SPINK5: variants seen among roughly 807,000 people sequenced by gnomAD.
The protein encoded by SPINK5 is serine protease inhibitor Kazal-type 5.
SPINK5 carries 125 observed loss-of-function variants against 151.8 expected under a neutral mutation model. The observed-to-expected ratio is 0.82, with a 90% CI of 0.71 to 0.96. The LOEUF is 0.96. Among genes scored for constraint, SPINK5 ranks in the 40% least tolerant of loss-of-function variants. SPINK5 has a pLI of 0.00. For synonymous variants in SPINK5, 374 were observed against 395.3 expected, an observed-to-expected ratio of 0.95 and a Z score of 0.64; for missense variants, 1,194 against 1,291.9, an observed-to-expected ratio of 0.92 and a Z score of 1.16.
At chr5:148,121,661 TAAA>T (rs1754268854) in intron 26 of SPINK5, among the ~76,000 whole-genome samples, 1 of 148,676 alleles carries the variant, frequency 6.7e-6, no homozygotes, top group Admixed American at 6.6e-5. Flanking sequence ...AAAAAAAAAA[TAAA>T]GAAAATATGG....
intron 27 of SPINK5, among the ~76,000 whole-genome samples, chr5:148,124,209 C>CCAGT (rs1754369951): frequency 6.6e-6 from 1 of 152,160 alleles, no homozygotes; most frequent in Non-Finnish European, 1.5e-5. Context: ...CTGGGACAGG[C>CCAGT]CAGTTCATTG....
At chr5:148,102,014 A>T in intron 15 of SPINK5, 106 bp downstream of exon 15, 1 of 1,527,646 alleles carries the variant, frequency 6.5e-7, no homozygotes, top group Non-Finnish European at 9.0e-7. Flanking sequence ...TCAGTGTAGC[A>T]TTCAGTCTTG....
intron 7 of SPINK5, among the ~76,000 whole-genome samples, chr5:148,089,983 G>A (rs923608723): frequency 1.3e-5 from 2 of 151,712 alleles, no homozygotes; most frequent in Admixed American, 6.6e-5. Flanking sequence ...CTTCATTTGG[G>A]CATATGTAGA....
intron 7 of SPINK5, 144 bp downstream of exon 7, chr5:148,089,765 G>A: frequency 3.2e-6 from 4 of 1,236,476 alleles, no homozygotes; most frequent in Non-Finnish European, 2.3e-6. Flanking sequence ...CTCACAGAAA[G>A]GCTTCTTTTC....
chr5:148,114,031 C>A (rs1561697205), intron 20 of SPINK5, among the ~76,000 whole-genome samples: 1 of 152,146 alleles, frequency 6.6e-6, no homozygotes, highest in East Asian at 1.9e-4. Flanking sequence ...GTAATTAACT[C>A]TTTGAACTTC....
chr5:148,119,411 A>T (rs1318338649), intron 24 of SPINK5, among the ~76,000 whole-genome samples: 1 of 152,234 alleles, frequency 6.6e-6, no homozygotes, highest in Non-Finnish European at 1.5e-5. Flanking sequence ...TTTTGCTGCT[A>T]GTGTAAGTTA....
chr5:148,080,819 T>C (rs1336194723), intron 4 of SPINK5, among the ~76,000 whole-genome samples: 2 of 151,504 alleles, frequency 1.3e-5, no homozygotes, highest in Non-Finnish European at 3.0e-5. Flanking sequence ...TGCAAATTTG[T>C]GTGCTTCAAA....
chr5:148,069,857 C>CT (rs1162898471), intron 2 of SPINK5, among the ~76,000 whole-genome samples: 1 of 151,906 alleles, frequency 6.6e-6, no homozygotes, highest in East Asian at 1.9e-4. Flanking sequence ...CCAAGAAATC[C>CT]TTTTTTCATT....
intron 29 of SPINK5, 46 bp downstream of exon 29, chr5:148,125,896 C>A (rs762653660): frequency 6.2e-7 from 1 of 1,613,548 alleles, no homozygotes; most frequent in Non-Finnish European, 8.5e-7. Context: ...AGGGGAACTG[C>A]ATTTTTAGAA....
intron 4 of SPINK5, among the ~76,000 whole-genome samples, chr5:148,080,709 GA>G (rs559829895): frequency 5.9e-4 from 89 of 151,388 alleles, no homozygotes; most frequent in African/African-American, 1.8e-3. Flanking sequence ...AATATAGGAG[GA>G]AAAAAATTCA....
chr5:148,107,058 G>A lies in SPINK5; in HGVS notation c.1501G>A (p.Asp501Asn), dbSNP rs1387700610. ...AAKEICSEFR[D>N]QVRNGTLICT... ...CCAGGAAATCTGCAGTGAATTTCGG[G>A]ACCAAGTGAGGAATGGAACACTTAT... is the stretch of plus-strand genomic sequence containing the variant. Residue 501 changes from aspartate (D) to asparagine (N), a missense_variant, in exon 17 of 33, where the codon GAC becomes AAC. Asp to Asn is a conservative substitution (Grantham distance 23, BLOSUM62 1). Coordinates refer to ENST00000256084, the MANE Select transcript of SPINK5 (RefSeq NM_006846.4). 3 of 1,612,846 alleles carry A rather than the reference G, an allele frequency of 1.9e-6. No homozygotes were observed. Among genetic ancestry groups the A allele is most frequent in the East Asian group, 2.2e-5 (1 of 44,814 alleles).
chr5:148,120,242 T>C (rs1168244943), intron 25 of SPINK5, 53 bp from the exon 26 acceptor site: 1 of 1,607,634 alleles, frequency 6.2e-7, no homozygotes, highest in Non-Finnish European at 8.5e-7. Context: ...GATCTGGTAA[T>C]TAATGAGGCG....
chr5:148,109,885 G>A (rs1247303146), intron 18 of SPINK5, among the ~76,000 whole-genome samples: 1 of 152,138 alleles, frequency 6.6e-6, no homozygotes, highest in Non-Finnish European at 1.5e-5. Context: ...GCCATACATG[G>A]TCTGATCCCT....
chr5:148,077,413 C>T (rs895480412), intron 4 of SPINK5, among the ~76,000 whole-genome samples: 3 of 150,962 alleles, frequency 2.0e-5, no homozygotes, highest in Non-Finnish European at 3.0e-5. Flanking sequence ...AAAGATATTA[C>T]TGTACTAAAG....
At chr5:148,125,466 G>A (rs935094615) in intron 28 of SPINK5, 5 of 1,491,806 alleles carry the variant, frequency 3.4e-6, no homozygotes, top group African/African-American at 1.4e-5. Flanking sequence ...TGGATGAACG[G>A]GAGAAAAAAA....
chr5:148,115,830 T>C (rs1754071737), intron 21 of SPINK5, among the ~76,000 whole-genome samples: 2 of 151,694 alleles, frequency 1.3e-5, no homozygotes, highest in Non-Finnish European at 2.9e-5. Flanking sequence ...TGTCTTTTTT[T>C]TTTTTTTTTC....
At chr5:148,107,641 A>C (rs1436551707) in intron 17 of SPINK5, among the ~76,000 whole-genome samples, 2 of 152,244 alleles carry the variant, frequency 1.3e-5, no homozygotes, top group African/African-American at 4.8e-5. Context: ...TTTCAAGGAC[A>C]TTACTATATA....
chr5:148,128,553 G>A (rs1280508935), intron 30 of SPINK5, among the ~76,000 whole-genome samples: 1 of 151,884 alleles, frequency 6.6e-6, no homozygotes, highest in Admixed American at 6.6e-5. Context: ...TTCTGAGAGG[G>A]AGTCTTGCTC....
rs375732841 is a variant in SPINK5 at position 148,120,251 on chromosome 5, C to T, written c.2442-44C>T. ...GAAGCAGATCTGGTAATTAATGAGG[C>T]GTTTGTTCACTTTGATTGAAATGTT... On this transcript the variant is annotated intron_variant, in intron 25 of 32. Coordinates refer to ENST00000256084, the MANE Select transcript of SPINK5 (RefSeq NM_006846.4). 3.3e-5 allele frequency: 53 copies of T among 1,604,386 alleles called. No homozygotes were observed. In the African/African-American group the frequency reaches 4.0e-4, roughly 12 times the overall value.
Sources: gnomAD v4.1 joint callset for allele counts (sites outside exome capture counted in the v4.1 genomes callset) on GRCh38, gnomAD v4.1.1 for gene constraint, MANE v1.5 for transcripts, NCBI Gene and HGNC (gene_info 2026-07-23, HGNC 2026-07-21) for gene names.